RYR3: variants seen among roughly 807,000 people sequenced by gnomAD.
The protein encoded by RYR3 is ryanodine receptor 3, also known as brain ryanodine receptor-calcium release channel.
In RYR3, 207 loss-of-function variants were observed where a neutral mutation model predicts 584.3. The observed-to-expected ratio is 0.35, with a 90% CI of 0.32 to 0.40. RYR3 has a LOEUF of 0.40. Among genes scored for constraint, RYR3 ranks in the 10% least tolerant of loss-of-function variants. The pLI is 1.00. For missense variants in RYR3, 5,616 were observed against 6,089.2 expected, an observed-to-expected ratio of 0.92 and a Z score of 2.59; for synonymous variants, 2,416 against 2,248.5, an observed-to-expected ratio of 1.07 and a Z score of -2.11.
intron 70 of RYR3, 103 bp from the exon 71 acceptor site, chr15:33,810,375 CT>C (rs560935261): frequency 1.6e-5 from 18 of 1,151,718 alleles, no homozygotes; most frequent in Non-Finnish European, 2.1e-5. Context: ...AAGGCCCACC[CT>C]ATACTGACAG....
intron 1 of RYR3, among the ~76,000 whole-genome samples, chr15:33,327,149 A>G (rs1478524571): frequency 6.6e-6 from 1 of 152,240 alleles, no homozygotes; most frequent in African/African-American, 2.4e-5. Context: ...TTCTCAGGCC[A>G]AAGGATTAAA....
chr15:33,433,395 TG>T (rs1174259730), intron 1 of RYR3, among the ~76,000 whole-genome samples: 1 of 152,196 alleles, frequency 6.6e-6, no homozygotes, highest in Non-Finnish European at 1.5e-5. Context: ...AAAGCTATTT[TG>T]GTCATTCAAC....
chr15:33,543,886 G>T (rs1243165692), intron 8 of RYR3, among the ~76,000 whole-genome samples, 171 bp downstream of exon 8: 2 of 152,294 alleles, frequency 1.3e-5, no homozygotes, highest in African/African-American at 4.8e-5. Context: ...AGTTCAGCTT[G>T]CTTACAGGAG....
At chr15:33,864,874 CATTG>C in intron 103 of RYR3, 1 of 440,342 alleles carries the variant, frequency 2.3e-6, no homozygotes, top group Admixed American at 3.9e-5. Context: ...TAGTGGCAAA[CATTG>C]ATTGGTTTCA....
chr15:33,411,223 G>A (rs2043383283), intron 1 of RYR3, among the ~76,000 whole-genome samples: 1 of 152,136 alleles, frequency 6.6e-6, no homozygotes, highest in Non-Finnish European at 1.5e-5. Context: ...TAGGGCTGAA[G>A]TTGTCTTGCT....
intron 40 of RYR3, 84 bp from the exon 41 acceptor site, chr15:33,699,620 C>A: frequency 7.8e-7 from 1 of 1,281,634 alleles, no homozygotes; most frequent in Non-Finnish European, 1.1e-6. Flanking sequence ...TCACACTTTA[C>A]CCACTTAAGA....
intron 3 of RYR3, among the ~76,000 whole-genome samples, chr15:33,514,097 A>G (rs534460430): frequency 5.9e-5 from 9 of 152,304 alleles, no homozygotes; most frequent in African/African-American, 2.2e-4. Flanking sequence ...CGGATAGTCA[A>G]TTCCCTTGCT....
intron 85 of RYR3, 80 bp from the exon 86 acceptor site, chr15:33,830,883 C>A: frequency 6.8e-7 from 1 of 1,470,614 alleles, no homozygotes; most frequent in Non-Finnish European, 9.3e-7. Flanking sequence ...GCAGGATTAT[C>A]ATGTACCCTT....
chr15:33,598,076 G>A (rs1378785429), intron 16 of RYR3, among the ~76,000 whole-genome samples: 2 of 151,736 alleles, frequency 1.3e-5, no homozygotes, highest in Non-Finnish European at 2.9e-5. Context: ...GTCTGGTGGT[G>A]CTAGAGGGAG....
At chr15:33,358,563 T>C (rs1195864966) in intron 1 of RYR3, among the ~76,000 whole-genome samples, 1 of 151,868 alleles carries the variant, frequency 6.6e-6, no homozygotes, top group African/African-American at 2.4e-5. Flanking sequence ...AGCCCAGGAC[T>C]GTGGTGCAGC....
rs150370783 is a variant in RYR3 at position 33,764,408 on chromosome 15, C to G, written c.8706-4250C>G. Among the ~76,000 whole-genome samples, 799 of 152,118 alleles carry G rather than the reference C, an allele frequency of 5.3e-3. 11 individuals are homozygous for G. Among genetic ancestry groups the G allele is most frequent in the African/African-American group, 0.019 (775 of 41,474 alleles). On this transcript the variant is annotated intron_variant, in intron 60 of 103. Transcript: ENST00000634891. ...CACATAGACACAGAGAGGGGAACAT[C>G]ACACACCGGGGCCTGTCAGGAGGTG...
chr15:33,556,841 C>G (rs566689742), intron 10 of RYR3, among the ~76,000 whole-genome samples: 1 of 152,068 alleles, frequency 6.6e-6, no homozygotes, highest in Non-Finnish European at 1.5e-5. Context: ...CCTAACTCCC[C>G]GGTAGAGTTG....
intron 1 of RYR3, among the ~76,000 whole-genome samples, chr15:33,382,628 A>G (rs1417416659): frequency 6.6e-6 from 1 of 152,176 alleles, no homozygotes; most frequent in Non-Finnish European, 1.5e-5. Flanking sequence ...ACCCCAAAAA[A>G]TGACATTTTA....
chr15:33,492,410 T>C (rs2051039299), intron 2 of RYR3, among the ~76,000 whole-genome samples: 1 of 151,768 alleles, frequency 6.6e-6, no homozygotes, highest in Admixed American at 6.6e-5. Flanking sequence ...GTACTGCTGC[T>C]AATTATTTTT....
chr15:33,725,142 G>T (rs2068253376), intron 45 of RYR3, among the ~76,000 whole-genome samples: 1 of 116,778 alleles, frequency 8.6e-6, no homozygotes, highest in African/African-American at 3.1e-5. Context: ...CTGCCTCTCT[G>T]CTCCAACACC....
intron 53 of RYR3, among the ~76,000 whole-genome samples, chr15:33,746,561 G>C (rs1160638100): frequency 1.3e-5 from 2 of 152,038 alleles, no homozygotes; most frequent in Non-Finnish European, 2.9e-5. Context: ...CACTTTGGGA[G>C]ACCAAGGTGG....
chr15:33,815,069 C>CA (rs35216286), intron 74 of RYR3, among the ~76,000 whole-genome samples: 16,344 of 118,480 alleles, frequency 0.14, 1,448 homozygotes, highest in African/African-American at 0.27. Flanking sequence ...GACTCTGTCT[C>CA]AAAAAAAAAA....
intron 1 of RYR3, among the ~76,000 whole-genome samples, chr15:33,364,712 T>A (rs1975242000): frequency 6.6e-6 from 1 of 152,184 alleles, no homozygotes; most frequent in African/African-American, 2.4e-5. Context: ...CCCAGGTTGA[T>A]GTGCTGGAGA....
chr15:33,696,126 A>G (rs2065846354), intron 38 of RYR3, 92 bp from the exon 39 acceptor site: 1 of 1,234,408 alleles, frequency 8.1e-7, no homozygotes, highest in South Asian at 1.5e-5. Flanking sequence ...TCAACCAATG[A>G]TGTGTCTTCT....
Sources: gnomAD v4.1 joint callset for allele counts (sites outside exome capture counted in the v4.1 genomes callset) on GRCh38, gnomAD v4.1.1 for gene constraint, MANE v1.5 for transcripts, NCBI Gene and HGNC (gene_info 2026-07-23, HGNC 2026-07-21) for gene names.